CDC42BPA: variants seen among roughly 807,000 people sequenced by gnomAD.
The protein encoded by CDC42BPA is serine/threonine-protein kinase MRCK alpha.
In CDC42BPA, 80 loss-of-function variants were observed where a neutral mutation model predicts 223.5. That is an observed-to-expected ratio of 0.36 (90% confidence interval 0.30 to 0.43). The LOEUF (loss-of-function observed/expected upper bound fraction) is 0.43, where lower values mean the gene tolerates loss of function less well. Among genes scored for constraint, CDC42BPA ranks in the 20% least tolerant of loss-of-function variants. The pLI is 1.00. For missense variants in CDC42BPA, 1,743 were observed against 2,099.9 expected, an observed-to-expected ratio of 0.83 and a Z score of 3.32; for synonymous variants, 694 against 718.6, an observed-to-expected ratio of 0.97 and a Z score of 0.55.
At chr1:226,998,792 A>G (rs1388779677) in intron 35 of CDC42BPA, among the ~76,000 whole-genome samples, 3 of 152,244 alleles carry the variant, frequency 2.0e-5, no homozygotes, top group Non-Finnish European at 4.4e-5. Flanking sequence ...AAAATTGGCA[A>G]ATGGGATCTA....
At chr1:227,072,730 G>T (rs1678657338) in intron 19 of CDC42BPA, among the ~76,000 whole-genome samples, 1 of 152,002 alleles carries the variant, frequency 6.6e-6, no homozygotes, top group South Asian at 2.1e-4. Flanking sequence ...CCATGAAAGT[G>T]GAGCACATAC....
intron 2 of CDC42BPA, among the ~76,000 whole-genome samples, chr1:227,253,489 G>A (rs937546072): frequency 6.6e-6 from 1 of 152,060 alleles, no homozygotes; most frequent in East Asian, 1.9e-4. Flanking sequence ...CCAGCTACTC[G>A]GGAGGCTGAA....
chr1:227,138,536 A>AAAAAAG (rs1434443672), intron 10 of CDC42BPA, among the ~76,000 whole-genome samples: 2 of 151,278 alleles, frequency 1.3e-5, no homozygotes, highest in South Asian at 2.1e-4. Context: ...AAAAAAAAAA[A>AAAAAAG]AGAGAGCGTT....
At chr1:227,280,234 A>G (rs1687790785) in intron 1 of CDC42BPA, among the ~76,000 whole-genome samples, 1 of 152,256 alleles carries the variant, frequency 6.6e-6, no homozygotes, top group Non-Finnish European at 1.5e-5. Flanking sequence ...GAAGACGGAT[A>G]AGAATTTTGC....
chr1:227,275,072 T>TACA (rs145275203), intron 1 of CDC42BPA, among the ~76,000 whole-genome samples: 46,343 of 151,430 alleles, frequency 0.31, 7,225 homozygotes, highest in East Asian at 0.37. Flanking sequence ...ACAAATGCAA[T>TACA]ACAACTACAA....
intron 4 of CDC42BPA, among the ~76,000 whole-genome samples, chr1:227,197,374 A>T (rs1214948725): frequency 2.0e-5 from 3 of 152,182 alleles, no homozygotes; most frequent in African/African-American, 7.2e-5. Flanking sequence ...AGGCTCCCCT[A>T]AAGAAACACT....
At chr1:226,998,668 A>G (rs1423103263) in intron 35 of CDC42BPA, among the ~76,000 whole-genome samples, 3 of 152,224 alleles carry the variant, frequency 2.0e-5, no homozygotes, top group African/African-American at 7.2e-5. Flanking sequence ...AGATTTAAAC[A>G]TAAGATCTAA....
At chr1:227,203,209 A>C (rs979563616) in intron 3 of CDC42BPA, among the ~76,000 whole-genome samples, 9 of 152,218 alleles carry the variant, frequency 5.9e-5, no homozygotes, top group Admixed American at 3.3e-4. Flanking sequence ...AATGATTCCT[A>C]TCAATGCCTT....
chr1:227,224,259 G>A (rs1648120035), intron 2 of CDC42BPA, among the ~76,000 whole-genome samples: 2 of 146,744 alleles, frequency 1.4e-5, no homozygotes, highest in African/African-American at 2.5e-5. Context: ...TTGAGATGGA[G>A]TTTCGCTCTT....
intron 2 of CDC42BPA, among the ~76,000 whole-genome samples, chr1:227,247,427 G>A (rs1001069081): frequency 5.1e-4 from 75 of 148,376 alleles, no homozygotes; most frequent in Non-Finnish European, 1.1e-3. Flanking sequence ...CTTAGGAGGC[G>A]GAGGTTGCAG....
At chr1:227,270,576 G>GA (rs1386536275) in intron 1 of CDC42BPA, among the ~76,000 whole-genome samples, 1 of 152,054 alleles carries the variant, frequency 6.6e-6, no homozygotes, top group Non-Finnish European at 1.5e-5. Context: ...TTATTTTGTG[G>GA]AAAAAATACA....
intron 1 of CDC42BPA, among the ~76,000 whole-genome samples, chr1:227,310,763 T>C (rs1037196450): frequency 4.8e-5 from 7 of 144,932 alleles, no homozygotes; most frequent in African/African-American, 1.9e-4. Context: ...CTCGGCTCAC[T>C]GCAAGCTCTG....
intron 17 of CDC42BPA, among the ~76,000 whole-genome samples, chr1:227,077,742 A>G (rs1572660636): frequency 6.6e-6 from 1 of 152,182 alleles, no homozygotes; most frequent in Non-Finnish European, 1.5e-5. Flanking sequence ...GCTAAAATTG[A>G]TTGTATCATC....
intron 19 of CDC42BPA, among the ~76,000 whole-genome samples, chr1:227,073,192 G>A (rs770577992): frequency 1.1e-4 from 16 of 152,062 alleles, no homozygotes; most frequent in Non-Finnish European, 2.1e-4. Flanking sequence ...TTTCACTTGT[G>A]ATGTGAAGTT....
chr1:227,008,858 A>G (rs1398667779), intron 34 of CDC42BPA, among the ~76,000 whole-genome samples: 1 of 145,980 alleles, frequency 6.9e-6, no homozygotes, highest in Non-Finnish European at 1.6e-5. Context: ...GCGTTATTTA[A>G]AGCAAATGCT....
intron 1 of CDC42BPA, among the ~76,000 whole-genome samples, chr1:227,303,472 T>C (rs1471382998): frequency 6.6e-6 from 1 of 152,204 alleles, no homozygotes; most frequent in Non-Finnish European, 1.5e-5. Context: ...ACTAAGAACA[T>C]CCAACATTTG....
intron 16 of CDC42BPA, among the ~76,000 whole-genome samples, chr1:227,086,426 T>C (rs1427471516): frequency 6.6e-6 from 1 of 152,214 alleles, no homozygotes; most frequent in African/African-American, 2.4e-5. Flanking sequence ...CTATGCCATT[T>C]TATACTCCTA....
intron 1 of CDC42BPA, among the ~76,000 whole-genome samples, chr1:227,304,869 T>C (rs1692283947): frequency 6.6e-6 from 1 of 152,208 alleles, no homozygotes; most frequent in African/African-American, 2.4e-5. Flanking sequence ...CACATGACTT[T>C]ACATTTGTTA....
chr1:227,203,646 G>A (rs375359001), intron 3 of CDC42BPA, among the ~76,000 whole-genome samples: 1 of 151,958 alleles, frequency 6.6e-6, no homozygotes, highest in South Asian at 2.1e-4. Context: ...ATGTAGGAAG[G>A]GCTACTGTAG....
Sources: allele counts gnomAD v4.1 joint callset (sites outside exome capture counted in the v4.1 genomes callset), GRCh38; gene constraint gnomAD v4.1.1; transcripts MANE v1.5; gene names NCBI Gene and HGNC (gene_info 2026-07-23, HGNC 2026-07-21).